Variants in KIF16B observed in about 807,000 individuals in gnomAD.
The protein encoded by KIF16B is kinesin family member 16B, also known as kinesin-like protein KIF16B.
Under a neutral mutation model 156.3 loss-of-function variants are expected in KIF16B, and 98 were observed. That is an observed-to-expected ratio of 0.63 (90% CI 0.53 to 0.74). KIF16B has a LOEUF of 0.74. Ranked by LOEUF, KIF16B falls within the 30% of genes least tolerant of loss-of-function variation. The pLI is 0.00. For synonymous variants in KIF16B, 564 were observed against 583.7 expected (o/e 0.97, Z 0.49); for missense variants, 1,421 against 1,606.5 (o/e 0.88, Z 1.97).
intron 12 of KIF16B, among the ~76,000 whole-genome samples, chr20:16,464,721 T>C (rs2146702784): frequency 6.6e-6 from 1 of 152,298 alleles, no homozygotes; most frequent in East Asian, 1.9e-4. Context: ...GACTCAGTCA[T>C]TTTTCTGGGG....
chr20:16,361,887 T>G (rs949717349), intron 22 of KIF16B, among the ~76,000 whole-genome samples: 4 of 152,236 alleles, frequency 2.6e-5, no homozygotes, highest in Non-Finnish European at 5.9e-5. Context: ...GAATATTGGA[T>G]GAATGTTTCA....
In KIF16B at chr20:16,374,238, TCAC is replaced by T; in HGVS notation, c.3350+16_3350+18del. The T allele has an allele frequency of 1.3e-6, 2 of 1,517,498 alleles. No homozygotes were observed. Among genetic ancestry groups the T allele is most frequent in the Non-Finnish European group, 1.8e-6 (2 of 1,129,074 alleles). The allele number at this position is 1,517,498 out of a possible 1,614,324, so 94.0% of individuals were successfully genotyped here. ...GTCACATCAAATGAGAAGCCTGGAA[TCAC>T]TTTCATGTCCAGTACCTGGCATCCA... On this transcript the variant is annotated intron_variant, in intron 20 of 25. Transcript: ENST00000354981.
intron 24 of KIF16B, among the ~76,000 whole-genome samples, chr20:16,319,346 A>G (rs143684624): frequency 2.6e-5 from 4 of 152,374 alleles, no homozygotes; most frequent in Non-Finnish European, 5.9e-5. Context: ...ACTCTGTACT[A>G]TCTTCAGATT....
intron 25 of KIF16B, among the ~76,000 whole-genome samples, chr20:16,283,029 T>C (rs771302322): frequency 1.3e-5 from 2 of 152,170 alleles, no homozygotes; most frequent in Non-Finnish European, 2.9e-5. Context: ...GAGACTTTCA[T>C]TGTGTTCATT....
chr20:16,387,922 T>C (rs1028203304), intron 17 of KIF16B, among the ~76,000 whole-genome samples: 28 of 152,338 alleles, frequency 1.8e-4, no homozygotes, highest in African/African-American at 6.7e-4. Flanking sequence ...GATCAGGCGC[T>C]TGAGGCTGTT....
intron 17 of KIF16B, among the ~76,000 whole-genome samples, chr20:16,402,492 A>G (rs2065680103): frequency 6.6e-6 from 1 of 152,182 alleles, no homozygotes; most frequent in Non-Finnish European, 1.5e-5. Context: ...AAAGAAATGG[A>G]GCAATGTACA....
Position 16,372,133 on chromosome 20 carries a change from C to T in KIF16B, c.3351-372G>A, listed in dbSNP as rs1006133879. Among the ~76,000 whole-genome samples, 6 of 152,270 alleles carry T rather than the reference C, an allele frequency of 3.9e-5. No homozygotes were observed. The East Asian group carries it at 1.2e-3, about 29-fold the overall frequency. Reference sequence around the variant, plus strand: ...CAAGACAGAATATTTCATTCAGAGCCTTGGGTTCCTCATACAGAAAAGGAT... The same window carrying T: ...CAAGACAGAATATTTCATTCAGAGCTTTGGGTTCCTCATACAGAAAAGGAT... On this transcript the variant is annotated intron_variant, in intron 20 of 25. Coordinates refer to ENST00000354981, the MANE Select transcript of KIF16B (RefSeq NM_024704.5).
chr20:16,477,201 C>T (rs13041650), intron 12 of KIF16B, among the ~76,000 whole-genome samples: 52,128 of 131,684 alleles, frequency 0.4, 11,302 homozygotes, highest in African/African-American at 0.61. Flanking sequence ...TTTTTTTTTT[C>T]TCTCCTTAAA....
chr20:16,295,420 G>GTATAATT, intron 25 of KIF16B, among the ~76,000 whole-genome samples: 1 of 151,534 alleles, frequency 6.6e-6, no homozygotes, highest in Non-Finnish European at 1.5e-5. Context: ...ATCTATAATT[G>GTATAATT]ATATCTATAC....
intron 25 of KIF16B, among the ~76,000 whole-genome samples, chr20:16,312,038 C>T (rs1012225684): frequency 2.0e-5 from 3 of 152,202 alleles, no homozygotes; most frequent in African/African-American, 7.2e-5. Flanking sequence ...GTATCACATA[C>T]CATCTGTCTA....
In KIF16B at chr20:16,573,211, G is replaced by A. The variant is rs1187277426; in HGVS notation, c.47+18C>T. 1 of 1,573,310 alleles carries A rather than the reference G, an allele frequency of 6.4e-7. No homozygotes were observed. The highest frequency in any genetic ancestry group is 8.6e-7 in the Non-Finnish European group (1 of 1,159,200). Reference sequence around the variant, plus strand: ...TGGGGGCGCGACGAGGGGGCGGGGCGCGGGCGGCCCCACTCACCTGCGATT... The same window carrying A: ...TGGGGGCGCGACGAGGGGGCGGGGCACGGGCGGCCCCACTCACCTGCGATT... On this transcript the variant is annotated intron_variant, in intron 1 of 25. Coordinates refer to ENST00000354981, the MANE Select transcript of KIF16B (RefSeq NM_024704.5).
intron 12 of KIF16B, among the ~76,000 whole-genome samples, chr20:16,455,651 G>A (rs1159223410): frequency 1.3e-5 from 2 of 152,088 alleles, no homozygotes; most frequent in Non-Finnish European, 2.9e-5. Flanking sequence ...ACACGATTTT[G>A]CATATAATAA....
chr20:16,285,390 G>C (rs995800070), intron 25 of KIF16B, among the ~76,000 whole-genome samples: 1 of 152,216 alleles, frequency 6.6e-6, no homozygotes, highest in African/African-American at 2.4e-5. Flanking sequence ...ACATGTCTTC[G>C]CTACAATGAA....
intron 12 of KIF16B, among the ~76,000 whole-genome samples, chr20:16,453,545 AT>A (rs1466293933): frequency 6.6e-6 from 1 of 152,188 alleles, no homozygotes; most frequent in African/African-American, 2.4e-5. Flanking sequence ...CTGGAAAAAA[AT>A]ATTTACAATA....
At chr20:16,310,179 T>C (rs994940371) in intron 25 of KIF16B, among the ~76,000 whole-genome samples, 1 of 152,218 alleles carries the variant, frequency 6.6e-6, no homozygotes, top group African/African-American at 2.4e-5. Context: ...CCATAAGGTG[T>C]GGAAGCTGTT....
intron 1 of KIF16B, among the ~76,000 whole-genome samples, chr20:16,566,186 T>C (rs1032964802): frequency 1.3e-5 from 2 of 152,252 alleles, no homozygotes; most frequent in Non-Finnish European, 2.9e-5. Context: ...CCCTTGCCTC[T>C]GCCTTTTCCA....
At chr20:16,511,691 A>AT (rs1463979176) in intron 5 of KIF16B, among the ~76,000 whole-genome samples, 164 bp from the exon 6 acceptor site, 2 of 152,212 alleles carry the variant, frequency 1.3e-5, no homozygotes, top group African/African-American at 4.8e-5. Flanking sequence ...ACTTAAGGTC[A>AT]TTGACAGGTT....
chr20:16,382,504 G>A (rs1432190331), intron 17 of KIF16B, among the ~76,000 whole-genome samples: 1 of 152,192 alleles, frequency 6.6e-6, no homozygotes, highest in Non-Finnish European at 1.5e-5. Context: ...TGGTTATACA[G>A]TATAGGAGTT....
At chr20:16,382,164 A>G in intron 17 of KIF16B, 1 of 1,296,304 alleles carries the variant, frequency 7.7e-7, no homozygotes, top group Non-Finnish European at 1.0e-6. Context: ...AGAGAAAGAG[A>G]GAGAGAGCAC....
Sources: allele counts gnomAD v4.1 joint callset (sites outside exome capture counted in the v4.1 genomes callset), GRCh38; gene constraint gnomAD v4.1.1; transcripts MANE v1.5; gene names NCBI Gene and HGNC (gene_info 2026-07-23, HGNC 2026-07-21).